RAD51: variants seen among roughly 807,000 people sequenced by gnomAD.
The protein encoded by RAD51 is DNA repair protein RAD51 homolog 1.
In RAD51, 14 loss-of-function variants were observed where a neutral mutation model predicts 41.5. That is an observed-to-expected ratio of 0.34 (90% CI 0.22 to 0.53). The LOEUF is 0.53. Ranked by LOEUF, RAD51 falls within the 20% of genes least tolerant of loss-of-function variation. RAD51 has a pLI of 0.95. For missense variants in RAD51, 234 were observed against 422.0 expected (o/e 0.55, Z 3.90); for synonymous variants, 136 against 148.6 (o/e 0.92, Z 0.62).
chr15:40,696,172 C>A (rs1894617241), intron 1 of RAD51, among the ~76,000 whole-genome samples: 1 of 151,668 alleles, frequency 6.6e-6, no homozygotes, highest in Admixed American at 6.8e-5. Context: ...GCCACAGCGC[C>A]TGGCCCCTGT....
At chr15:40,708,897 A>C (rs1895521177) in intron 4 of RAD51, 128 bp from the exon 5 acceptor site, 1 of 867,060 alleles carries the variant, frequency 1.2e-6, no homozygotes, top group Non-Finnish European at 1.9e-6. Context: ...GTGAAAAATT[A>C]TCGCTTGTTG....
chr15:40,709,522 C>T (rs931215225), intron 5 of RAD51, among the ~76,000 whole-genome samples: 2 of 151,866 alleles, frequency 1.3e-5, no homozygotes, highest in Non-Finnish European at 2.9e-5. Flanking sequence ...TACAGGCGCC[C>T]ACCAGCATGC....
At chr15:40,701,339 T>A in intron 3 of RAD51, 138 bp downstream of exon 3, 1 of 940,674 alleles carries the variant, frequency 1.1e-6, no homozygotes, top group African/African-American at 1.7e-5. Flanking sequence ...TACCTGTTTC[T>A]TTTCTTCTTT....
chr15:40,722,598 G>A (rs1227562119), intron 6 of RAD51, among the ~76,000 whole-genome samples: 1 of 152,044 alleles, frequency 6.6e-6, no homozygotes, highest in East Asian at 1.9e-4. Flanking sequence ...AGTGGTGATG[G>A]TTGCACAGCA....
At chr15:40,718,729 AAG>A (rs369176658) in intron 5 of RAD51, 74 bp from the exon 6 acceptor site, 1 of 1,269,426 alleles carries the variant, frequency 7.9e-7, no homozygotes, top group African/African-American at 1.5e-5. Context: ...AGGAATTATA[AAG>A]ATGTCATGAG....
chr15:40,724,678 T>TTG (rs1464394686), intron 6 of RAD51, among the ~76,000 whole-genome samples: 2 of 112,028 alleles, frequency 1.8e-5, no homozygotes, highest in East Asian at 5.2e-4. Flanking sequence ...TTATTTCTTT[T>TTG]TTTTTTTTTT....
chr15:40,696,070 G>T (rs1300745058), intron 1 of RAD51, among the ~76,000 whole-genome samples: 1 of 151,862 alleles, frequency 6.6e-6, no homozygotes, highest in Admixed American at 6.6e-5. Context: ...TAGAGACGGG[G>T]TTTCACCATG....
chr15:40,730,017 A>G (rs770877884), intron 9 of RAD51, 43 bp downstream of exon 9: 1 of 1,605,964 alleles, frequency 6.2e-7, no homozygotes, highest in South Asian at 1.1e-5. Flanking sequence ...GGAATGTCAT[A>G]TTAACTGTGA....
chr15:40,698,334 G>A (rs1446330392), intron 1 of RAD51, among the ~76,000 whole-genome samples: 1 of 151,812 alleles, frequency 6.6e-6, no homozygotes, highest in African/African-American at 2.4e-5. Context: ...GACTACAGGC[G>A]TGTGCCACCA....
intron 7 of RAD51, 119 bp from the exon 8 acceptor site, chr15:40,729,372 CAAAAAAAAAAAAAA>C: frequency 2.1e-5 from 10 of 481,420 alleles, no homozygotes; most frequent in South Asian, 9.7e-5. Flanking sequence ...GACTCCATCT[CAAAAAAAAAAAAAA>C]AAAAAAAAAA....
intron 2 of RAD51, among the ~76,000 whole-genome samples, chr15:40,699,780 G>A (rs1894868559): frequency 6.6e-6 from 1 of 152,208 alleles, no homozygotes; most frequent in Admixed American, 6.5e-5. Flanking sequence ...TCAGGATTCT[G>A]CACAAGAACA....
intron 6 of RAD51, among the ~76,000 whole-genome samples, chr15:40,721,969 A>G (rs1201650777): frequency 6.6e-6 from 1 of 152,240 alleles, no homozygotes; most frequent in Non-Finnish European, 1.5e-5. Context: ...CACACAATGA[A>G]ATATCATTTT....
In RAD51 at chr15:40,724,826, C is replaced by T. The variant is rs1313192771; in HGVS notation, c.531-3885C>T. Among the ~76,000 whole-genome samples, 30 of 148,766 alleles carry T rather than the reference C, an allele frequency of 2.0e-4. 1 individual carries two copies. In the East Asian group the frequency reaches 5.9e-3, roughly 29 times the overall value. On this transcript the variant is annotated intron_variant, in intron 6 of 9. Transcript: ENST00000267868. Reference sequence around the variant, plus strand: ...CCCAAGTAGCTGGGACTACAGGCTTCCGCCACCACACCCGGCTAATTTTTT... The same window carrying T: ...CCCAAGTAGCTGGGACTACAGGCTTTCGCCACCACACCCGGCTAATTTTTT...
chr15:40,719,613 A>G (rs2141859435), intron 6 of RAD51, among the ~76,000 whole-genome samples: 1 of 152,300 alleles, frequency 6.6e-6, no homozygotes, highest in Admixed American at 6.5e-5. Flanking sequence ...CGGGTGGATC[A>G]CGAGGTCAGG....
chr15:40,730,896 G>T (rs1474090541), intron 9 of RAD51, among the ~76,000 whole-genome samples, 159 bp from the exon 10 acceptor site: 2 of 151,954 alleles, frequency 1.3e-5, no homozygotes, highest in African/African-American at 2.4e-5. Flanking sequence ...AATGGATTCT[G>T]CCAGGTTGGA....
intron 3 of RAD51, among the ~76,000 whole-genome samples, chr15:40,701,500 A>G (rs1424977388): frequency 6.6e-6 from 1 of 150,520 alleles, no homozygotes; most frequent in African/African-American, 2.4e-5. Flanking sequence ...TCAGCCTCCC[A>G]AGTAGCTGGG....
intron 5 of RAD51, among the ~76,000 whole-genome samples, chr15:40,710,036 A>G (rs1290639118): frequency 6.6e-6 from 1 of 151,858 alleles, no homozygotes; most frequent in Non-Finnish European, 1.5e-5. Context: ...AGGTCAGGAG[A>G]TTGAGACCAT....
chr15:40,718,464 A>C (rs574371427), intron 5 of RAD51, among the ~76,000 whole-genome samples: 6 of 146,294 alleles, frequency 4.1e-5, no homozygotes, highest in Non-Finnish European at 9.1e-5. Context: ...GTTGCAGTGA[A>C]CCGAGATAAC....
chr15:40,707,096 T>A (rs946796269), intron 4 of RAD51, among the ~76,000 whole-genome samples: 1 of 149,724 alleles, frequency 6.7e-6, no homozygotes, highest in African/African-American at 2.5e-5. Flanking sequence ...GCTCAAGTGA[T>A]CTTCTAGCCT....
Sources: gnomAD v4.1 joint callset for allele counts (sites outside exome capture counted in the v4.1 genomes callset) on GRCh38, gnomAD v4.1.1 for gene constraint, MANE v1.5 for transcripts, NCBI Gene and HGNC (gene_info 2026-07-23, HGNC 2026-07-21) for gene names.